HNRNPC: variants seen among roughly 807,000 people sequenced by gnomAD.
HNRNPC encodes the protein heterogeneous nuclear ribonucleoproteins C1/C2.
Under a neutral mutation model 33.2 loss-of-function variants are expected in HNRNPC, and 3 were observed. The ratio of observed to expected loss-of-function variants is 0.09; its 90% CI spans 0.04 to 0.23. The LOEUF (loss-of-function observed/expected upper bound fraction) is 0.23, where lower values mean the gene tolerates loss of function less well. Among genes scored for constraint, HNRNPC ranks in the 10% least tolerant of loss-of-function variants. The pLI, the probability that HNRNPC is intolerant of heterozygous loss-of-function variation, is 1.00. For missense variants in HNRNPC, 143 were observed against 366.7 expected, an observed-to-expected ratio of 0.39 and a Z score of 4.98; for synonymous variants, 121 against 126.7, an observed-to-expected ratio of 0.96 and a Z score of 0.30.
chr14:21,211,990 GCCA>G, intron 6 of HNRNPC, 67 bp from the exon 7 acceptor site: 1 of 1,206,398 alleles, frequency 8.3e-7, no homozygotes, highest in Non-Finnish European at 1.2e-6. Flanking sequence ...CAAATACACT[GCCA>G]CCAGACTACA....
chr14:21,240,193 T>A (rs1245605230), intron 2 of HNRNPC, among the ~76,000 whole-genome samples: 2 of 152,126 alleles, frequency 1.3e-5, no homozygotes, highest in Non-Finnish European at 2.9e-5. Context: ...ATTTCCTGAA[T>A]ATAGAAATTT....
chr14:21,244,703 AG>A (rs1363142426), intron 2 of HNRNPC, among the ~76,000 whole-genome samples: 1 of 152,208 alleles, frequency 6.6e-6, no homozygotes, highest in Non-Finnish European at 1.5e-5. Flanking sequence ...TAATGTCGTA[AG>A]AGTGTAGTTA....
chr14:21,264,943 G>A (rs1594343681), intron 1 of HNRNPC: 1 of 152,174 alleles, frequency 6.6e-6, no homozygotes, highest in East Asian at 1.9e-4. Context: ...CTTGAGCCCA[G>A]GAGTTCGAGG....
In HNRNPC at chr14:21,264,551, T is replaced by C. The variant is rs377737478; in HGVS notation, c.-62-1215A>G. ...AGCGTGTAAAGCTAATTTCAAGTTA[T>C]GGATTCTAAAAATCTGGTACATAAT... On this transcript the variant is annotated intron_variant, in intron 1 of 8. Coordinates refer to ENST00000553300, the MANE Select transcript of HNRNPC (RefSeq NM_004500.4). The C allele has an allele frequency of 7.2e-5, 11 of 152,366 alleles. No homozygotes were observed. In the East Asian group the frequency reaches 1.5e-3, roughly 21 times the overall value. The allele number at this position is 152,366 out of a possible 1,614,324, so 9.4% of individuals were successfully genotyped here. A position where few individuals can be genotyped will look rare whatever the true frequency, so the allele number is the denominator to read the frequency against.
rs1191621525 is a variant in HNRNPC at position 21,269,406 on chromosome 14, CT to C, written c.-172del. On this transcript the variant is annotated 5_prime_UTR_variant, in exon 1 of 9. Transcript: ENST00000553300. Reference sequence around the variant, plus strand: ...GGCAACGCGGCCACAACCGCTCAGTCTTCGTCTCTTCACAAAATGGCCCCCG... The same window carrying C: ...GGCAACGCGGCCACAACCGCTCAGTCTCGTCTCTTCACAAAATGGCCCCCG... 1 of 155,174 alleles carries C rather than the reference CT, an allele frequency of 6.4e-6. No individual in the cohort carries two copies. The highest frequency in any genetic ancestry group is 1.4e-5 in the Non-Finnish European group (1 of 69,772). 9.6% of individuals were successfully genotyped at this position (155,174 alleles called of 1,614,324 possible). A position where few individuals can be genotyped will look rare whatever the true frequency, so the allele number is the denominator to read the frequency against.
At chr14:21,240,555 G>A (rs1895223359) in intron 2 of HNRNPC, among the ~76,000 whole-genome samples, 1 of 152,162 alleles carries the variant, frequency 6.6e-6, no homozygotes, top group African/African-American at 2.4e-5. Context: ...TGAGAGCCCT[G>A]GAATTTGCTG....
intron 5 of HNRNPC, among the ~76,000 whole-genome samples, chr14:21,223,002 T>G (rs1893006209): frequency 6.6e-6 from 1 of 151,902 alleles, no homozygotes; most frequent in Non-Finnish European, 1.5e-5. Flanking sequence ...TGTTCGAGAC[T>G]AGCCTGCCCA....
chr14:21,258,167 C>T (rs117728278), intron 2 of HNRNPC, among the ~76,000 whole-genome samples: 4,903 of 152,122 alleles, frequency 0.032, 118 homozygotes, highest in Non-Finnish European at 0.05. Context: ...TCGAGGTGGG[C>T]GGATCACGAG....
chr14:21,218,515 G>A (rs756419735), intron 5 of HNRNPC, among the ~76,000 whole-genome samples: 17 of 150,574 alleles, frequency 1.1e-4, no homozygotes, highest in African/African-American at 2.9e-4. Context: ...GGTGAAACCC[G>A]GTTTCTACTA....
intron 2 of HNRNPC, among the ~76,000 whole-genome samples, chr14:21,258,023 ATATTTAGTTTTAAAATTTTAAT>A (rs1749013870): frequency 6.6e-6 from 1 of 152,194 alleles, no homozygotes; most frequent in African/African-American, 2.4e-5. Context: ...AAATATAAAC[ATATTTAGTTTTAAAATTTTAAT>A]AATAAAAGTC....
chr14:21,234,768 C>G (rs1894491727), intron 2 of HNRNPC: 1 of 152,412 alleles, frequency 6.6e-6, no homozygotes, highest in Admixed American at 6.5e-5. Flanking sequence ...CTTACACTTA[C>G]CCATTAAGTA....
intron 4 of HNRNPC, chr14:21,230,796 T>C (rs946363898): frequency 1.4e-5 from 8 of 563,146 alleles, no homozygotes; most frequent in African/African-American, 1.3e-4. Flanking sequence ...CTCTAGAAAT[T>C]TTCTCTAGGG....
chr14:21,246,889 T>G (rs1896037844), intron 2 of HNRNPC, among the ~76,000 whole-genome samples: 1 of 152,200 alleles, frequency 6.6e-6, no homozygotes, highest in Non-Finnish European at 1.5e-5. Context: ...CTTAACAAAG[T>G]CAATATATCT....
chr14:21,244,769 G>T (rs894433831), intron 2 of HNRNPC, among the ~76,000 whole-genome samples: 1 of 152,140 alleles, frequency 6.6e-6, no homozygotes, highest in African/African-American at 2.4e-5. Context: ...GTATCGTATA[G>T]CCTATTGCTC....
intron 3 of HNRNPC, among the ~76,000 whole-genome samples, chr14:21,232,246 G>A (rs934847281): frequency 2.0e-5 from 3 of 152,092 alleles, no homozygotes; most frequent in Admixed American, 6.5e-5. Flanking sequence ...TACCTTCCCA[G>A]TCATGCTACA....
intron 2 of HNRNPC, among the ~76,000 whole-genome samples, chr14:21,249,267 A>T (rs1028688185): frequency 2.0e-5 from 3 of 152,082 alleles, no homozygotes; most frequent in African/African-American, 7.2e-5. Flanking sequence ...GCAATTCAGA[A>T]CTAAACAGAA....
intron 5 of HNRNPC, among the ~76,000 whole-genome samples, chr14:21,224,357 T>A (rs1207697566): frequency 6.6e-6 from 1 of 152,158 alleles, no homozygotes; most frequent in African/African-American, 2.4e-5. Context: ...CCAAGATACA[T>A]TCCTAGAAAA....
chr14:21,265,249 T>G (rs983612434), intron 1 of HNRNPC: 1 of 152,224 alleles, frequency 6.6e-6, no homozygotes, highest in Admixed American at 6.5e-5. Flanking sequence ...AATACAGTTA[T>G]GGTGAAACAT....
intron 5 of HNRNPC, among the ~76,000 whole-genome samples, chr14:21,218,106 G>A (rs1490151091): frequency 6.6e-6 from 1 of 152,102 alleles, no homozygotes; most frequent in African/African-American, 2.4e-5. Flanking sequence ...TGGATTACAG[G>A]TACACGATAC....
Sources: gnomAD v4.1 joint callset for allele counts (sites outside exome capture counted in the v4.1 genomes callset) on GRCh38, gnomAD v4.1.1 for gene constraint, MANE v1.5 for transcripts, NCBI Gene and HGNC (gene_info 2026-07-23, HGNC 2026-07-21) for gene names.